NPAS3: variants seen among roughly 807,000 people sequenced by gnomAD.
The protein encoded by NPAS3 is neuronal PAS domain-containing protein 3.
In NPAS3, 14 loss-of-function variants were observed where a neutral mutation model predicts 73.1. That is an observed-to-expected ratio of 0.19 (90% CI 0.13 to 0.30). The LOEUF is 0.30. Among genes scored for constraint, NPAS3 ranks in the 10% least tolerant of loss-of-function variants. The pLI, the probability that NPAS3 is intolerant of heterozygous loss-of-function variation, is 1.00. For synonymous variants in NPAS3, 620 were observed against 541.5 expected, an observed-to-expected ratio of 1.14 and a Z score of -2.01; for missense variants, 1,096 against 1,250.0, an observed-to-expected ratio of 0.88 and a Z score of 1.86.
chr14:33,465,028 A>T (rs1298702436), intron 4 of NPAS3, among the ~76,000 whole-genome samples: 2 of 152,136 alleles, frequency 1.3e-5, no homozygotes, highest in African/African-American at 4.8e-5. Flanking sequence ...TCTTGCTTTG[A>T]TGTGTTTAAT....
chr14:33,308,553 C>CACACACACACACACACAT (rs1195213186), intron 3 of NPAS3, among the ~76,000 whole-genome samples: 147 of 113,620 alleles, frequency 1.3e-3, no homozygotes, highest in African/African-American at 4.9e-3. Context: ...CACACACACA[C>CACACACACACACACACAT]ACATACATAC....
chr14:33,695,150 AC>A (rs2060341367), intron 6 of NPAS3, among the ~76,000 whole-genome samples: 1 of 152,108 alleles, frequency 6.6e-6, no homozygotes, highest in Non-Finnish European at 1.5e-5. Flanking sequence ...TTGATTCCTA[AC>A]TCTGCTTTCA....
intron 4 of NPAS3, among the ~76,000 whole-genome samples, chr14:33,499,403 A>T (rs2052401561): frequency 6.6e-6 from 1 of 151,938 alleles, no homozygotes; most frequent in African/African-American, 2.4e-5. Flanking sequence ...AGAACGTAAA[A>T]TGAGTCTAGA....
upstream of NPAS3, chr14:32,935,082 T>TAAGACACAAAACAGGA: frequency 1.2e-6 from 1 of 853,116 alleles, no homozygotes; most frequent in Non-Finnish European, 1.5e-6. Flanking sequence ...TCCTGTTTTG[T>TAAGACACAAAACAGGA]GTCTTACAAC....
intron 4 of NPAS3, among the ~76,000 whole-genome samples, chr14:33,508,737 T>C (rs1253838642): frequency 6.6e-6 from 1 of 152,020 alleles, no homozygotes; most frequent in Non-Finnish European, 1.5e-5. Context: ...AAAGTGTACT[T>C]GATTGTTTTC....
chr14:33,399,975 T>TA (rs2047382418), intron 4 of NPAS3, among the ~76,000 whole-genome samples: 1 of 152,102 alleles, frequency 6.6e-6, no homozygotes, highest in African/African-American at 2.4e-5. Flanking sequence ...AGACACATAA[T>TA]CAATGCACTG....
chr14:33,092,541 G>A (rs1231293372), intron 2 of NPAS3, among the ~76,000 whole-genome samples: 6 of 152,154 alleles, frequency 3.9e-5, no homozygotes, highest in African/African-American at 1.2e-4. Flanking sequence ...TGGCCATACT[G>A]TCCAAGGTAA....
At chr14:33,264,575 T>C (rs1325912036) in intron 3 of NPAS3, among the ~76,000 whole-genome samples, 1 of 152,168 alleles carries the variant, frequency 6.6e-6, no homozygotes, top group Non-Finnish European at 1.5e-5. Flanking sequence ...TAGATTTTAT[T>C]AGGAGAGGTA....
chr14:33,518,998 G>C (rs145308273), intron 4 of NPAS3, among the ~76,000 whole-genome samples: 1 of 151,992 alleles, frequency 6.6e-6, no homozygotes, highest in African/African-American at 2.4e-5. Flanking sequence ...ATATCCTCTT[G>C]GTCCCAACCT....
At chr14:32,938,486 T>TGAGAGAGA (rs369330767), upstream of NPAS3, among the ~76,000 whole-genome samples, 164 of 55,868 alleles carry the variant, frequency 2.9e-3, 7 homozygotes, top group East Asian at 0.022. Flanking sequence ...AGAGAGAAAT[T>TGAGAGAGA]GAGAGAGAGA....
intron 1 of NPAS3, among the ~76,000 whole-genome samples, chr14:32,983,840 A>G (rs974351741): frequency 2.6e-5 from 4 of 151,936 alleles, no homozygotes; most frequent in African/African-American, 4.8e-5. Flanking sequence ...TCCTGCCTCA[A>G]CCTCCTGAGT....
intron 3 of NPAS3, among the ~76,000 whole-genome samples, chr14:33,270,581 T>C (rs1390632176): frequency 2.0e-5 from 3 of 152,160 alleles, no homozygotes; most frequent in African/African-American, 7.2e-5. Context: ...TGCTCTAGTA[T>C]TTAAAAAGCT....
chr14:33,348,572 G>C (rs1219366268), intron 3 of NPAS3, among the ~76,000 whole-genome samples: 1 of 152,172 alleles, frequency 6.6e-6, no homozygotes, highest in East Asian at 1.9e-4. Flanking sequence ...TCCAGGACAA[G>C]ATTGTTTATT....
chr14:33,465,337 A>C (rs17101296), intron 4 of NPAS3, among the ~76,000 whole-genome samples: 1,967 of 152,326 alleles, frequency 0.013, 46 homozygotes, highest in African/African-American at 0.046. Flanking sequence ...CAAGCTTAAG[A>C]CGTTAAATGC....
intron 2 of NPAS3, among the ~76,000 whole-genome samples, chr14:33,081,219 G>C (rs2041854165): frequency 6.6e-6 from 1 of 152,216 alleles, no homozygotes; most frequent in South Asian, 2.1e-4. Context: ...ATTGCACCAA[G>C]GACTAGTGTT....
chr14:32,949,314 C>T (rs2036391330), intron 1 of NPAS3, among the ~76,000 whole-genome samples: 1 of 151,946 alleles, frequency 6.6e-6, no homozygotes, highest in Non-Finnish European at 1.5e-5. Flanking sequence ...ACTTTAGTCT[C>T]ATTGTAGCTG....
intron 2 of NPAS3, among the ~76,000 whole-genome samples, chr14:33,153,729 C>A (rs538233877): frequency 6.6e-6 from 1 of 152,212 alleles, no homozygotes; most frequent in South Asian, 2.1e-4. Flanking sequence ...TTATTTCCAA[C>A]AGAACCATCC....
At chr14:33,368,839 G>A (rs763167382) in intron 4 of NPAS3, among the ~76,000 whole-genome samples, 8 of 152,076 alleles carry the variant, frequency 5.3e-5, no homozygotes, top group Middle Eastern at 3.2e-3. Flanking sequence ...TGTATGGACC[G>A]TGACATATAA....
At chr14:33,553,133 A>G (rs1406971717) in intron 4 of NPAS3, among the ~76,000 whole-genome samples, 2 of 152,184 alleles carry the variant, frequency 1.3e-5, no homozygotes. Context: ...CCTATTGTCC[A>G]TTTGGCTGGA....
Sources: allele counts gnomAD v4.1 joint callset (sites outside exome capture counted in the v4.1 genomes callset), GRCh38; gene constraint gnomAD v4.1.1; transcripts MANE v1.5; gene names NCBI Gene and HGNC (gene_info 2026-07-23, HGNC 2026-07-21).